Variants in CCDC141 observed in about 807,000 individuals in gnomAD.
CCDC141 encodes coiled-coil domain-containing protein 141.
Under a neutral mutation model 181.0 loss-of-function variants are expected in CCDC141, and 168 were observed. That is an observed-to-expected ratio of 0.93 (90% CI 0.82 to 1.05). CCDC141 has a LOEUF of 1.05. Ranked by LOEUF, CCDC141 falls within the 50% of genes least tolerant of loss-of-function variation. The pLI is 0.00. For missense variants in CCDC141, 1,902 were observed against 1,788.5 expected (o/e 1.06, Z -1.14); for synonymous variants, 666 against 642.3 (o/e 1.04, Z -0.56).
chr2:178,890,857 A>G (rs1687114548), intron 8 of CCDC141, among the ~76,000 whole-genome samples: 1 of 152,146 alleles, frequency 6.6e-6, no homozygotes, highest in Non-Finnish European at 1.5e-5. Context: ...CATAATAGCT[A>G]CTATTTAATA....
intron 8 of CCDC141, among the ~76,000 whole-genome samples, chr2:178,899,084 C>T (rs1255646405): frequency 6.6e-6 from 1 of 152,028 alleles, no homozygotes; most frequent in Non-Finnish European, 1.5e-5. Flanking sequence ...CAATGGCGGT[C>T]CGACAAGATT....
intron 11 of CCDC141, among the ~76,000 whole-genome samples, chr2:178,879,942 T>A (rs1314468607): frequency 6.7e-6 from 1 of 149,700 alleles, no homozygotes; most frequent in Non-Finnish European, 1.5e-5. Context: ...CAGAGGGATA[T>A]TCGTGCTGGG....
chr2:178,876,186 ACT>A (rs1686349241), intron 12 of CCDC141: 1 of 152,106 alleles, frequency 6.6e-6, no homozygotes, highest in Admixed American at 6.6e-5. Context: ...TTAGAACCTA[ACT>A]CTTCCAAATG....
intron 7 of CCDC141, among the ~76,000 whole-genome samples, chr2:178,912,419 TG>T (rs1384984090): frequency 6.6e-6 from 1 of 152,242 alleles, no homozygotes; most frequent in Non-Finnish European, 1.5e-5. Flanking sequence ...TGAGCTCTCA[TG>T]AGACACTTAA....
chr2:178,922,901 T>C, intron 6 of CCDC141, among the ~76,000 whole-genome samples: 1 of 152,206 alleles, frequency 6.6e-6, no homozygotes, highest in South Asian at 2.1e-4. Flanking sequence ...CCAGTCTTCT[T>C]AATTACATTT....
At chr2:178,877,584 T>G (rs1686406248) in intron 12 of CCDC141, 1 of 254,444 alleles carries the variant, frequency 3.9e-6, no homozygotes. Context: ...GGTAAGAAAC[T>G]CTTCAAAAGA....
At chr2:179,015,089 T>TACATATATATATTATATATATAATC (rs1319398966) in intron 2 of CCDC141, among the ~76,000 whole-genome samples, 3 of 47,128 alleles carry the variant, frequency 6.4e-5, no homozygotes, top group African/African-American at 1.3e-4. Flanking sequence ...TATATATATA[T>TACATATATATATTATATATATAATC]ATATATATAT....
intron 7 of CCDC141, among the ~76,000 whole-genome samples, chr2:178,914,903 T>G (rs1413629619): frequency 2.0e-5 from 3 of 151,414 alleles, no homozygotes; most frequent in Non-Finnish European, 4.4e-5. Flanking sequence ...TGAAAGGAGG[T>G]GGGGTGTGGT....
chr2:178,925,927 G>A (rs1400319141), intron 6 of CCDC141, among the ~76,000 whole-genome samples: 1 of 152,062 alleles, frequency 6.6e-6, no homozygotes, highest in African/African-American at 2.4e-5. Context: ...ATTAGGTTGT[G>A]ATGTTTACCT....
At chr2:178,991,685 T>A (rs1302839482) in intron 2 of CCDC141, among the ~76,000 whole-genome samples, 1 of 152,116 alleles carries the variant, frequency 6.6e-6, no homozygotes, top group East Asian at 1.9e-4. Flanking sequence ...AGATTTTTAA[T>A]GTCATCAACA....
intron 2 of CCDC141, among the ~76,000 whole-genome samples, chr2:178,996,491 T>C (rs949589984): frequency 6.6e-6 from 1 of 152,190 alleles, no homozygotes; most frequent in Non-Finnish European, 1.5e-5. Flanking sequence ...ATTTCTCAGA[T>C]TTGGCACAAA....
At chr2:178,933,952 C>A (rs934354063) in intron 6 of CCDC141, among the ~76,000 whole-genome samples, 1 of 152,152 alleles carries the variant, frequency 6.6e-6, no homozygotes, top group Non-Finnish European at 1.5e-5. Context: ...CTGATAATGC[C>A]AAATCTTCTA....
chr2:178,931,717 GA>G (rs1351665370), intron 6 of CCDC141, among the ~76,000 whole-genome samples: 2 of 148,810 alleles, frequency 1.3e-5, no homozygotes, highest in East Asian at 3.9e-4. Context: ...TTGGAGTTAT[GA>G]AAATATTCTG....
chr2:178,980,908 A>G (rs1374626048), intron 2 of CCDC141, among the ~76,000 whole-genome samples: 1 of 152,232 alleles, frequency 6.6e-6, no homozygotes, highest in Admixed American at 6.5e-5. Context: ...GGACAGAGAA[A>G]GATGTACCAT....
chr2:178,935,353 T>A (rs1425246764), intron 6 of CCDC141, among the ~76,000 whole-genome samples: 3 of 152,146 alleles, frequency 2.0e-5, no homozygotes, highest in African/African-American at 7.2e-5. Flanking sequence ...TGACTCTCAC[T>A]TATATGTGAA....
chr2:179,047,795 C>T (rs952634490), intron 1 of CCDC141, among the ~76,000 whole-genome samples: 14 of 152,160 alleles, frequency 9.2e-5, no homozygotes, highest in Admixed American at 4.6e-4. Context: ...AGTGAAATTC[C>T]ACTTGGGCAG....
At chr2:178,906,566 C>A (rs1253240467) in intron 7 of CCDC141, among the ~76,000 whole-genome samples, 1 of 152,204 alleles carries the variant, frequency 6.6e-6, no homozygotes, top group East Asian at 1.9e-4. Flanking sequence ...CCATACCAAT[C>A]TGGAAAATAG....
chr2:178,848,740 T>C (rs558270336), intron 21 of CCDC141, among the ~76,000 whole-genome samples: 32 of 152,120 alleles, frequency 2.1e-4, no homozygotes, highest in African/African-American at 7.7e-4. Context: ...GGCCTTCGTA[T>C]TGGAAGTCAG....
intron 5 of CCDC141, among the ~76,000 whole-genome samples, chr2:178,958,048 A>G (rs1168252014): frequency 6.6e-6 from 1 of 152,248 alleles, no homozygotes; most frequent in Non-Finnish European, 1.5e-5. Flanking sequence ...CAATCTGAAA[A>G]GTCCTGTATG....
Sources: allele counts gnomAD v4.1 joint callset (sites outside exome capture counted in the v4.1 genomes callset), GRCh38; gene constraint gnomAD v4.1.1; transcripts MANE v1.5; gene names NCBI Gene and HGNC (gene_info 2026-07-23, HGNC 2026-07-21).